Variants in CNTN4 observed in about 807,000 individuals in gnomAD.
CNTN4 encodes contactin-4.
Under a neutral mutation model 122.5 loss-of-function variants are expected in CNTN4, and 77 were observed. That is an observed-to-expected ratio of 0.63 (90% confidence interval 0.52 to 0.76). The LOEUF is 0.76. Ranked by LOEUF, CNTN4 falls within the 30% of genes least tolerant of loss-of-function variation. CNTN4 has a pLI of 0.00. For synonymous variants in CNTN4, 512 were observed against 447.0 expected (o/e 1.15, Z -1.83); for missense variants, 1,256 against 1,259.1 (o/e 1.00, Z 0.04).
At chr3:2,814,512 A>T (rs1318478351) in intron 6 of CNTN4, among the ~76,000 whole-genome samples, 1 of 152,232 alleles carries the variant, frequency 6.6e-6, no homozygotes, top group Non-Finnish European at 1.5e-5. Flanking sequence ...AACCACAAAG[A>T]AAAGCAGAGG....
At chr3:2,264,450 T>G (rs570907268) in intron 2 of CNTN4, among the ~76,000 whole-genome samples, 1 of 152,228 alleles carries the variant, frequency 6.6e-6, no homozygotes, top group East Asian at 1.9e-4. Flanking sequence ...CCTTTGCCTA[T>G]TTTTTAATGA....
At chr3:2,673,379 T>G (rs528779649) in intron 4 of CNTN4, among the ~76,000 whole-genome samples, 18 of 152,190 alleles carry the variant, frequency 1.2e-4, no homozygotes, top group African/African-American at 4.1e-4. Context: ...AACCCTGAAT[T>G]CCTCCTATAC....
intron 2 of CNTN4, among the ~76,000 whole-genome samples, chr3:2,215,136 C>A (rs941916181): frequency 6.6e-6 from 1 of 152,154 alleles, no homozygotes; most frequent in African/African-American, 2.4e-5. Flanking sequence ...ATTAAATATT[C>A]CAAAGTGAAT....
At chr3:2,765,965 T>C (rs1376366057) in intron 6 of CNTN4, among the ~76,000 whole-genome samples, 2 of 152,200 alleles carry the variant, frequency 1.3e-5, no homozygotes, top group African/African-American at 2.4e-5. Flanking sequence ...ATTTGGGCAG[T>C]GGGAGAGGAA....
intron 14 of CNTN4, among the ~76,000 whole-genome samples, chr3:3,019,766 A>ATATATATT (rs1491488583): frequency 1.5e-3 from 1 of 686 alleles, no homozygotes; most frequent in Admixed American, 0.025. Context: ...GTGTACACAA[A>ATATATATT]TATATATATA....
intron 2 of CNTN4, among the ~76,000 whole-genome samples, chr3:2,257,509 T>G (rs1286217003): frequency 6.7e-6 from 1 of 150,018 alleles, no homozygotes; most frequent in East Asian, 2.0e-4. Flanking sequence ...GGCAACACAG[T>G]ATAAGAGAAA....
chr3:2,130,045 G>C (rs1393088953), intron 2 of CNTN4, among the ~76,000 whole-genome samples: 1 of 152,056 alleles, frequency 6.6e-6, no homozygotes, highest in Admixed American at 6.6e-5. Flanking sequence ...TAAATAACTA[G>C]TGGTAAAGTG....
Position 2,725,427 on chromosome 3 carries a change from A to G in CNTN4, c.56-10788A>G, listed in dbSNP as rs1483104917. ...CTCTGGGAGATTCTTTATGCGTAGA[A>G]AGAATACACAAATGCATATTGAAGG... On this transcript the variant is annotated intron_variant, in intron 4 of 24. Coordinates refer to ENST00000418658, the MANE Select transcript of CNTN4 (RefSeq NM_175607.3). Among the ~76,000 whole-genome samples, 3 of 152,304 alleles carry G rather than the reference A, an allele frequency of 2.0e-5. No individual in the cohort carries two copies. In the East Asian group the frequency reaches 5.8e-4, roughly 29 times the overall value.
chr3:2,897,139 A>T (rs1000621352), intron 10 of CNTN4, among the ~76,000 whole-genome samples: 35 of 152,276 alleles, frequency 2.3e-4, no homozygotes, highest in African/African-American at 8.4e-4. Context: ...TGCTTGTACA[A>T]TTCCAGTGGC....
At chr3:2,658,502 T>C (rs1209724426) in intron 4 of CNTN4, among the ~76,000 whole-genome samples, 1 of 152,146 alleles carries the variant, frequency 6.6e-6, no homozygotes, top group African/African-American at 2.4e-5. Context: ...ACAGAGGTAA[T>C]ACGATTTACT....
At chr3:2,511,468 T>C (rs2076883553) in intron 3 of CNTN4, 1 of 152,226 alleles carries the variant, frequency 6.6e-6, no homozygotes, top group Non-Finnish European at 1.5e-5. Context: ...GGGTCCTCCT[T>C]GATGAATGCT....
At chr3:2,578,116 CA>C (rs1186010013) in intron 4 of CNTN4, among the ~76,000 whole-genome samples, 49 of 152,124 alleles carry the variant, frequency 3.2e-4, no homozygotes, top group African/African-American at 1.1e-3. Flanking sequence ...TCATCAATCA[CA>C]GGATGTAGCT....
intron 3 of CNTN4, among the ~76,000 whole-genome samples, chr3:2,371,088 A>G (rs1020111578): frequency 2.0e-5 from 3 of 152,154 alleles, no homozygotes; most frequent in African/African-American, 7.2e-5. Context: ...GAATGTGTAG[A>G]ATGGTTGCTG....
intron 3 of CNTN4, among the ~76,000 whole-genome samples, chr3:2,454,792 T>A (rs1036497419): frequency 6.6e-6 from 1 of 152,016 alleles, no homozygotes; most frequent in African/African-American, 2.4e-5. Context: ...AAGTATTTCA[T>A]GATTGAACGG....
At chr3:2,869,398 C>T (rs1021640100) in intron 8 of CNTN4, among the ~76,000 whole-genome samples, 3 of 152,108 alleles carry the variant, frequency 2.0e-5, no homozygotes, top group African/African-American at 7.2e-5. Context: ...CTGCGAGAAC[C>T]TGATCATTCC....
intron 3 of CNTN4, among the ~76,000 whole-genome samples, chr3:2,391,790 A>G (rs528832023): frequency 6.6e-6 from 1 of 152,266 alleles, no homozygotes; most frequent in Admixed American, 6.5e-5. Flanking sequence ...ACTGCCCTTG[A>G]TCACAAAAAC....
intron 8 of CNTN4, among the ~76,000 whole-genome samples, chr3:2,874,343 A>C (rs1254816595): frequency 6.6e-6 from 1 of 152,224 alleles, no homozygotes; most frequent in Admixed American, 6.5e-5. Context: ...GAAGGGTCTA[A>C]AGTTTCATTC....
intron 6 of CNTN4, among the ~76,000 whole-genome samples, chr3:2,773,762 C>CTTTTTTTTTTTTTTTTTTTTTTTTTTTT (rs1234334638): frequency 9.3e-6 from 1 of 107,522 alleles, no homozygotes; most frequent in African/African-American, 3.5e-5. Flanking sequence ...ATGTAGTAGA[C>CTTTTTTTTTTTTTTTTTTTTTTTTTTTT]TTTTTTTTTT....
intron 13 of CNTN4, among the ~76,000 whole-genome samples, chr3:2,986,226 A>G (rs1297381738): frequency 1.3e-5 from 2 of 152,160 alleles, no homozygotes; most frequent in Non-Finnish European, 1.5e-5. Context: ...CGCAAACACA[A>G]TTTTAAAGAT....
Sources: allele counts gnomAD v4.1 joint callset (sites outside exome capture counted in the v4.1 genomes callset), GRCh38; gene constraint gnomAD v4.1.1; transcripts MANE v1.5; gene names NCBI Gene and HGNC (gene_info 2026-07-23, HGNC 2026-07-21).